Variants in UBE2L3 observed in about 807,000 individuals in gnomAD.
UBE2L3 encodes the protein ubiquitin conjugating enzyme E2 L3.
In UBE2L3, 1 loss-of-function variant was observed where a neutral mutation model predicts 17.8. That is an observed-to-expected ratio of 0.06 (90% CI 0.02 to 0.27). The LOEUF is 0.27. Ranked by LOEUF, UBE2L3 falls within the 10% of genes least tolerant of loss-of-function variation. The pLI is 1.00. For synonymous variants in UBE2L3, 44 were observed against 68.5 expected (o/e 0.64, Z 1.76); for missense variants, 40 against 192.6 (o/e 0.21, Z 4.69).
rs1481301510 is a variant in UBE2L3, at chr22:21,623,105, C to G, written c.*1436C>G. On this transcript the variant is annotated 3_prime_UTR_variant, in exon 4 of 4. Transcript: ENST00000342192. Reference sequence around the variant, plus strand: ...CCACTGGCGGCTTCCCTTCTTGGCTCTTGGGGGGGACTAGATCCTGTGGAG... The same window carrying G: ...CCACTGGCGGCTTCCCTTCTTGGCTGTTGGGGGGGACTAGATCCTGTGGAG... The G allele has an allele frequency of 6.6e-6, 1 of 152,346 alleles. No homozygotes were observed. Among genetic ancestry groups the G allele is most frequent in the Non-Finnish European group, 1.5e-5 (1 of 68,046 alleles). The allele number at this position is 152,346 out of a possible 1,614,324, so 9.4% of individuals were successfully genotyped here.
chr22:21,563,347 C>T (rs1298477327), upstream of UBE2L3, among the ~76,000 whole-genome samples: 3 of 149,084 alleles, frequency 2.0e-5, no homozygotes, highest in Non-Finnish European at 3.0e-5. Context: ...CTCAGGAGAT[C>T]GAGAGCATCC....
At chr22:21,583,490 CT>C (rs550186842) in intron 1 of UBE2L3, among the ~76,000 whole-genome samples, 99 of 152,356 alleles carry the variant, frequency 6.5e-4, no homozygotes, top group African/African-American at 2.3e-3. Flanking sequence ...TGCATTGAGA[CT>C]TGCTGCCCAT....
At chr22:21,605,358 CA>C (rs1206774927) in intron 2 of UBE2L3, among the ~76,000 whole-genome samples, 1 of 152,310 alleles carries the variant, frequency 6.6e-6, no homozygotes, top group African/African-American at 2.4e-5. Flanking sequence ...GATGTGATTA[CA>C]GGTGCGTGCC....
At chr22:21,580,564 C>A (rs1927565067) in intron 1 of UBE2L3, among the ~76,000 whole-genome samples, 1 of 150,958 alleles carries the variant, frequency 6.6e-6, no homozygotes, top group Non-Finnish European at 1.5e-5. Flanking sequence ...GTTCTCCTGC[C>A]TTAGCCTCCC....
intron 2 of UBE2L3, among the ~76,000 whole-genome samples, chr22:21,604,405 A>T (rs1929039158): frequency 6.6e-6 from 1 of 152,088 alleles, no homozygotes; most frequent in African/African-American, 2.4e-5. Context: ...AGGCTGAGAG[A>T]CAGGACAATC....
At chr22:21,585,434 C>T (rs938763834) in intron 1 of UBE2L3, among the ~76,000 whole-genome samples, 7 of 152,144 alleles carry the variant, frequency 4.6e-5, no homozygotes, top group African/African-American at 1.7e-4. Context: ...AGCCTGTATT[C>T]GTTCCTTCCC....
chr22:21,575,967 GTCTT>G (rs890851321), intron 1 of UBE2L3, among the ~76,000 whole-genome samples: 1 of 151,874 alleles, frequency 6.6e-6, no homozygotes, highest in Non-Finnish European at 1.5e-5. Flanking sequence ...CTCAAAATTT[GTCTT>G]TCTAATATCT....
chr22:21,568,005 C>T (rs1428097495), intron 1 of UBE2L3: 6 of 1,339,198 alleles, frequency 4.5e-6, no homozygotes, highest in East Asian at 3.1e-5. Flanking sequence ...CAGCCCGGCC[C>T]GGGGCGTTCA....
chr22:21,564,926 C>T (rs998103667), upstream of UBE2L3, among the ~76,000 whole-genome samples: 9 of 152,038 alleles, frequency 5.9e-5, no homozygotes, highest in East Asian at 1.9e-4. Flanking sequence ...CTCATGCATA[C>T]GCTGAATGTG....
intron 1 of UBE2L3, among the ~76,000 whole-genome samples, chr22:21,570,095 C>G (rs767932592): frequency 6.6e-6 from 1 of 152,168 alleles, no homozygotes; most frequent in African/African-American, 2.4e-5. Context: ...GTGACCACAG[C>G]GCTTTCTTTA....
intron 1 of UBE2L3, among the ~76,000 whole-genome samples, chr22:21,556,269 C>G (rs1382370792): frequency 1.3e-5 from 2 of 152,212 alleles, no homozygotes; most frequent in Admixed American, 6.5e-5. Context: ...GTGGCGTGTG[C>G]CTGTAGCCCC....
chr22:21,564,098 C>T (rs1287555124), upstream of UBE2L3, among the ~76,000 whole-genome samples: 4 of 150,120 alleles, frequency 2.7e-5, no homozygotes, highest in East Asian at 2.0e-4. Flanking sequence ...TGCAGTGGCA[C>T]GATCACGGCT....
intron 1 of UBE2L3, among the ~76,000 whole-genome samples, chr22:21,559,993 A>G (rs1926374755): frequency 1.3e-5 from 2 of 152,266 alleles, no homozygotes; most frequent in Admixed American, 6.5e-5. Flanking sequence ...GTATGGTGCG[A>G]GCTTCTAGCT....
intron 2 of UBE2L3, among the ~76,000 whole-genome samples, chr22:21,594,990 G>T (rs1382162695): frequency 6.6e-6 from 1 of 152,212 alleles, no homozygotes; most frequent in Non-Finnish European, 1.5e-5. Context: ...CAGCTCCACG[G>T]GTAGATTGCT....
chr22:21,551,992 T>TAC (rs750566572), intron 1 of UBE2L3, among the ~76,000 whole-genome samples: 5,077 of 99,704 alleles, frequency 0.051, 254 homozygotes, highest in Non-Finnish European at 0.06. Context: ...ACTGAAGAAA[T>TAC]ACACACACAC....
chr22:21,559,076 G>T (rs1027373947), intron 1 of UBE2L3, among the ~76,000 whole-genome samples: 2 of 151,506 alleles, frequency 1.3e-5, no homozygotes, highest in African/African-American at 4.9e-5. Flanking sequence ...GCTGGACATG[G>T]TGGCCCACGC....
At chr22:21,584,638 C>G (rs1319133194) in intron 1 of UBE2L3, among the ~76,000 whole-genome samples, 1 of 151,130 alleles carries the variant, frequency 6.6e-6, no homozygotes, top group East Asian at 2.0e-4. Flanking sequence ...TACTGTGTGG[C>G]CCAGGCTGGT....
At chr22:21,578,302 G>A (rs1421830998) in intron 1 of UBE2L3, among the ~76,000 whole-genome samples, 1 of 151,544 alleles carries the variant, frequency 6.6e-6, no homozygotes, top group Admixed American at 6.6e-5. Flanking sequence ...GGAGCTTGTA[G>A]TGAGCCGGGA....
At chr22:21,564,627 T>C (rs966753078), upstream of UBE2L3, among the ~76,000 whole-genome samples, 1 of 152,174 alleles carries the variant, frequency 6.6e-6, no homozygotes. Flanking sequence ...GAAGATGCCA[T>C]GGCAAAGGCT....
Sources: allele counts gnomAD v4.1 joint callset (sites outside exome capture counted in the v4.1 genomes callset), GRCh38; gene constraint gnomAD v4.1.1; transcripts MANE v1.5; gene names NCBI Gene and HGNC (gene_info 2026-07-23, HGNC 2026-07-21).